Variants in RERE observed in about 807,000 individuals in gnomAD.
RERE encodes arginine-glutamic acid dipeptide repeats.
A neutral mutation model predicts 146.1 loss-of-function variants in RERE; 40 were observed. The ratio of observed to expected loss-of-function variants is 0.27; its 90% CI spans 0.21 to 0.36. RERE has a LOEUF of 0.36. Ranked by LOEUF, RERE falls within the 10% of genes least tolerant of loss-of-function variation. RERE has a pLI of 1.00. For synonymous variants in RERE, 1,003 were observed against 866.0 expected, an observed-to-expected ratio of 1.16 and a Z score of -2.78; for missense variants, 1,933 against 2,138.7, an observed-to-expected ratio of 0.90 and a Z score of 1.90.
chr1:8,735,477 C>G (rs1557511842), intron 1 of RERE, among the ~76,000 whole-genome samples: 1 of 152,124 alleles, frequency 6.6e-6, no homozygotes, highest in Non-Finnish European at 1.5e-5. Context: ...GCCTTCTGAG[C>G]CCATTTTTAC....
chr1:8,786,076 C>T (rs868507563), intron 1 of RERE: 108 of 419,310 alleles, frequency 2.6e-4, no homozygotes, highest in South Asian at 2.2e-3. Flanking sequence ...GGCCACACTC[C>T]TCATCAGTCT....
At chr1:8,361,573 A>T in intron 17 of RERE, 83 bp from the exon 18 acceptor site, 1 of 1,547,264 alleles carries the variant, frequency 6.5e-7, no homozygotes, top group South Asian at 1.1e-5. Flanking sequence ...GACACACAGT[A>T]ATGTTTGTGC....
chr1:8,356,140 C>T lies in RERE; in HGVS notation c.4446G>A (p.Gln1482=). ...GAAGCATCTCGTGCTCGTGTGGGGG[C>T]TGTCCAAGCAGAGGGTTGGGGAGAG... ...PGTLPNPLLG[Q]PPHEHEMLRH... is the part of the protein sequence containing the mutation. The change falls in exon 21 of 23, where the codon CAG becomes CAA. Residue 1482 remains glutamine, a synonymous_variant. Coordinates refer to ENST00000400908, the MANE Select transcript of RERE (RefSeq NM_001042681.2). The surrounding 1 kb of genome is among the most constrained non-coding windows in gnomAD (Gnocchi z 5.2). 1.3e-6 allele frequency: 2 copies of T among 1,512,622 alleles called. No individual in the cohort carries two copies. Among genetic ancestry groups the T allele is most frequent in the South Asian group, 2.6e-5 (2 of 78,156 alleles). 93.7% of individuals were successfully genotyped at this position (1,512,622 alleles called of 1,614,324 possible).
intron 1 of RERE, among the ~76,000 whole-genome samples, chr1:8,709,047 G>C (rs910080676): frequency 6.6e-6 from 1 of 150,676 alleles, no homozygotes; most frequent in African/African-American, 2.4e-5. Context: ...CGAGTAGCTG[G>C]AACTACAGGT....
intron 4 of RERE, among the ~76,000 whole-genome samples, chr1:8,559,402 C>T (rs558838008): frequency 2.0e-5 from 3 of 150,812 alleles, no homozygotes; most frequent in South Asian, 4.2e-4. Context: ...TACAAAAATA[C>T]GGCATCATCA....
chr1:8,661,278 G>C (rs1638451086), intron 1 of RERE, among the ~76,000 whole-genome samples: 1 of 152,106 alleles, frequency 6.6e-6, no homozygotes, highest in African/African-American at 2.4e-5. Context: ...AGACCAGAGG[G>C]GCAGGAATAG....
chr1:8,379,618 C>A (rs1279436017), intron 12 of RERE, among the ~76,000 whole-genome samples: 1 of 152,152 alleles, frequency 6.6e-6, no homozygotes, highest in Admixed American at 6.5e-5. Flanking sequence ...TTACAGAGGG[C>A]GGCTGGCTCT....
chr1:8,442,065 A>G (rs147367438), intron 11 of RERE, among the ~76,000 whole-genome samples: 190 of 152,254 alleles, frequency 1.2e-3, no homozygotes, highest in African/African-American at 4.4e-3. Flanking sequence ...GGGGAAAAGG[A>G]TAAGATGCAA....
intron 9 of RERE, 148 bp from the exon 10 acceptor site, chr1:8,495,310 CT>C: frequency 1.9e-6 from 1 of 514,204 alleles, no homozygotes; most frequent in Non-Finnish European, 3.5e-6. Flanking sequence ...GCCTCTGCTC[CT>C]ATTTTTTTTT....
intron 4 of RERE, among the ~76,000 whole-genome samples, chr1:8,558,333 C>T (rs922742442): frequency 2.6e-5 from 4 of 152,124 alleles, no homozygotes; most frequent in Admixed American, 2.6e-4. Flanking sequence ...TATGGGGCTG[C>T]AGCTTGCAAA....
At chr1:8,619,216 G>A (rs1015902709) in intron 3 of RERE, among the ~76,000 whole-genome samples, 12 of 152,100 alleles carry the variant, frequency 7.9e-5, no homozygotes, top group African/African-American at 1.2e-4. Context: ...ATGATACAGC[G>A]GCATTCTCAT....
chr1:8,791,777 G>C (rs1288116623), intron 1 of RERE, among the ~76,000 whole-genome samples: 1 of 152,194 alleles, frequency 6.6e-6, no homozygotes, highest in Non-Finnish European at 1.5e-5. Context: ...ACGAGAAGAG[G>C]GAGAGGCAGT....
At chr1:8,503,440 GCATTA>G (rs1557662743) in intron 8 of RERE, among the ~76,000 whole-genome samples, 1 of 152,176 alleles carries the variant, frequency 6.6e-6, no homozygotes, top group Non-Finnish European at 1.5e-5. Context: ...ATTCACTGCA[GCATTA>G]CATGTAATGG....
chr1:8,624,201 T>C, intron 3 of RERE, 109 bp downstream of exon 3: 4 of 849,882 alleles, frequency 4.7e-6, no homozygotes, highest in Non-Finnish European at 7.8e-6. Flanking sequence ...ACTCAAAAGG[T>C]GAACTGGTAA....
In RERE at chr1:8,420,422, A is replaced by T. The variant is rs549895826; in HGVS notation, c.1284+2305T>A. ...TGAATCAACAACACTGGTACATGCA[A>T]ATCTCATCTTCTGCAGCAAAAAGTA... On this transcript the variant is annotated intron_variant, in intron 12 of 22. Transcript: ENST00000400908. Among the ~76,000 whole-genome samples, 3 of 152,342 alleles carry T rather than the reference A, an allele frequency of 2.0e-5. No homozygotes were observed. The South Asian group carries it at 6.2e-4, about 32-fold the overall frequency.
chr1:8,619,812 T>C (rs959792404), intron 3 of RERE, among the ~76,000 whole-genome samples: 2 of 152,220 alleles, frequency 1.3e-5, no homozygotes, highest in African/African-American at 4.8e-5. Flanking sequence ...TCATTTCTTT[T>C]AGAACTAAAG....
At chr1:8,466,397 G>A (rs1158207706) in intron 10 of RERE, among the ~76,000 whole-genome samples, 1 of 151,840 alleles carries the variant, frequency 6.6e-6, no homozygotes, top group Non-Finnish European at 1.5e-5. Context: ...TTTAATCTAC[G>A]GTTTAGGAGC....
chr1:8,564,870 G>GTGTGTGTGTGTGTGTGTGTGTGTGTA (rs1269710840), intron 4 of RERE, among the ~76,000 whole-genome samples: 1 of 127,340 alleles, frequency 7.9e-6, no homozygotes, highest in Non-Finnish European at 1.6e-5. Flanking sequence ...GTGTGTGTGT[G>GTGTGTGTGTGTGTGTGTGTGTGTGTA]TATATATATA....
rs1325426955 is a variant in RERE, at chr1:8,772,842, A to G, written c.-145+44318T>C. 2.6e-5 allele frequency among the ~76,000 whole-genome samples: 4 copies of G among 152,306 alleles called. No individual in the cohort carries two copies. The South Asian group carries it at 6.2e-4, about 24-fold the overall frequency. On this transcript the variant is annotated intron_variant, in intron 1 of 22. Coordinates refer to ENST00000400908, the MANE Select transcript of RERE (RefSeq NM_001042681.2). ...AGTGGCTCATGCCTGTAATCCCAGCACTTTGGAAGGCTGAGGCAGGTGGAT... is the reference window on the plus strand; with the variant it reads ...AGTGGCTCATGCCTGTAATCCCAGCGCTTTGGAAGGCTGAGGCAGGTGGAT...
Sources: allele counts gnomAD v4.1 joint callset (sites outside exome capture counted in the v4.1 genomes callset), GRCh38; gene constraint gnomAD v4.1.1; non-coding constraint Gnocchi (gnomAD v3.1); transcripts MANE v1.5; gene names NCBI Gene and HGNC (gene_info 2026-07-23, HGNC 2026-07-21).